Variants in LMX1A observed in about 807,000 individuals in gnomAD.
LMX1A encodes LIM homeobox transcription factor 1 alpha.
Under a neutral mutation model 49.1 loss-of-function variants are expected in LMX1A, and 15 were observed. That is an observed-to-expected ratio of 0.31 (90% confidence interval 0.20 to 0.47). LMX1A has a LOEUF of 0.47. Among genes scored for constraint, LMX1A ranks in the 20% least tolerant of loss-of-function variants. The pLI is 1.00. For synonymous variants in LMX1A, 167 were observed against 185.7 expected (o/e 0.90, Z 0.82); for missense variants, 372 against 475.8 (o/e 0.78, Z 2.03).
chr1:165,289,509 CATA>C (rs1197922452), intron 3 of LMX1A, among the ~76,000 whole-genome samples: 3 of 152,334 alleles, frequency 2.0e-5, no homozygotes, highest in Admixed American at 1.3e-4. Context: ...CCTCTTCTCC[CATA>C]ATAAGTTTAA....
chr1:165,238,422 A>G (rs978705051), intron 4 of LMX1A, among the ~76,000 whole-genome samples: 1 of 152,240 alleles, frequency 6.6e-6, no homozygotes, highest in African/African-American at 2.4e-5. Context: ...AAAATCAGTA[A>G]TAGTACCTTA....
intron 4 of LMX1A, among the ~76,000 whole-genome samples, chr1:165,223,824 A>AC (rs1651941225): frequency 1.3e-5 from 2 of 152,028 alleles, no homozygotes; most frequent in Non-Finnish European, 2.9e-5. Flanking sequence ...AAAAAAAAAA[A>AC]ACTAGTGTAC....
intron 3 of LMX1A, among the ~76,000 whole-genome samples, chr1:165,276,661 CA>C (rs5778437): frequency 0.035 from 2,561 of 72,752 alleles, 19 homozygotes; most frequent in Middle Eastern, 0.053. Context: ...AAAGAAAAGT[CA>C]AAAAAAAAAA....
intron 3 of LMX1A, among the ~76,000 whole-genome samples, chr1:165,284,423 A>T (rs1201500441): frequency 6.6e-6 from 1 of 152,224 alleles, no homozygotes; most frequent in Non-Finnish European, 1.5e-5. Context: ...CTAAAGAAGA[A>T]TTTCAAAGAA....
At chr1:165,233,807 T>C (rs1344279240) in intron 4 of LMX1A, among the ~76,000 whole-genome samples, 2 of 152,238 alleles carry the variant, frequency 1.3e-5, no homozygotes, top group Non-Finnish European at 2.9e-5. Flanking sequence ...TGTTCATCAT[T>C]GTGTCCACAG....
rs546849769 is a variant in LMX1A at position 165,349,853 on chromosome 1, C to T, written c.263+3223G>A. 6.6e-5 allele frequency among the ~76,000 whole-genome samples: 10 copies of T among 152,186 alleles called. No individual in the cohort carries two copies. In the East Asian group the frequency reaches 7.7e-4, roughly 12 times the overall value. ...CTGGTTGCCTAACACCATAAAGAGACAGCTAATAATTCAAATGCAAAACTG... is the reference window on the plus strand; with the variant it reads ...CTGGTTGCCTAACACCATAAAGAGATAGCTAATAATTCAAATGCAAAACTG... On this transcript the variant is annotated intron_variant, in intron 3 of 8. Transcript: ENST00000342310.
At chr1:165,285,762 C>T (rs1488086375) in intron 3 of LMX1A, among the ~76,000 whole-genome samples, 2 of 152,170 alleles carry the variant, frequency 1.3e-5, no homozygotes, top group African/African-American at 4.8e-5. Context: ...AGCGTGTAAG[C>T]TTCTTTTCCA....
At chr1:165,324,382 C>T (rs1457311924) in intron 3 of LMX1A, among the ~76,000 whole-genome samples, 1 of 152,146 alleles carries the variant, frequency 6.6e-6, no homozygotes, top group Non-Finnish European at 1.5e-5. Context: ...AAGTAAATCT[C>T]TATAATACAG....
intron 3 of LMX1A, among the ~76,000 whole-genome samples, chr1:165,293,531 A>G (rs1654536775): frequency 6.6e-6 from 1 of 152,260 alleles, no homozygotes; most frequent in Non-Finnish European, 1.5e-5. Flanking sequence ...AGAGAGCAAA[A>G]GAGACCTGAG....
At chr1:165,325,033 G>A (rs931250059) in intron 3 of LMX1A, among the ~76,000 whole-genome samples, 1 of 152,108 alleles carries the variant, frequency 6.6e-6, no homozygotes, top group East Asian at 1.9e-4. Flanking sequence ...GGGAGCCCCT[G>A]CCACTCCTTA....
At chr1:165,311,007 T>C (rs1655061710) in intron 3 of LMX1A, among the ~76,000 whole-genome samples, 1 of 152,212 alleles carries the variant, frequency 6.6e-6, no homozygotes, top group Admixed American at 6.5e-5. Context: ...TATTTCTATT[T>C]TGACTTTCCC....
chr1:165,237,773 A>AC (rs1437000692), intron 4 of LMX1A, among the ~76,000 whole-genome samples: 1 of 152,118 alleles, frequency 6.6e-6, no homozygotes, highest in African/African-American at 2.4e-5. Context: ...GGTCACAGAA[A>AC]CCAGGGCACA....
intron 3 of LMX1A, among the ~76,000 whole-genome samples, chr1:165,295,290 C>T (rs1654582656): frequency 6.6e-6 from 1 of 151,616 alleles, no homozygotes. Context: ...GGGAGGCTAA[C>T]TACCAAAACA....
intron 3 of LMX1A, among the ~76,000 whole-genome samples, chr1:165,300,946 G>C (rs950412441): frequency 1.3e-5 from 2 of 152,158 alleles, no homozygotes; most frequent in African/African-American, 2.4e-5. Context: ...AGGGCTAGAG[G>C]ATCTGAGGGC....
intron 3 of LMX1A, among the ~76,000 whole-genome samples, chr1:165,262,471 C>T (rs1042363201): frequency 1.3e-5 from 2 of 152,278 alleles, no homozygotes; most frequent in African/African-American, 4.8e-5. Context: ...CTTCTGGACT[C>T]CCTCTTCGTG....
At chr1:165,210,640 C>CTG in intron 6 of LMX1A, 59 bp downstream of exon 6, 2 of 1,303,668 alleles carry the variant, frequency 1.5e-6, no homozygotes, top group Non-Finnish European at 2.2e-6. Context: ...CAATGTCCTA[C>CTG]TGTGATTATT....
At chr1:165,234,244 C>T (rs2102623527) in intron 4 of LMX1A, among the ~76,000 whole-genome samples, 1 of 152,336 alleles carries the variant, frequency 6.6e-6, no homozygotes, top group South Asian at 2.1e-4. Context: ...TCAGTACAGA[C>T]TAAGCTGCAT....
intron 3 of LMX1A, among the ~76,000 whole-genome samples, chr1:165,333,523 G>A (rs1475594988): frequency 6.6e-6 from 1 of 152,090 alleles, no homozygotes; most frequent in Non-Finnish European, 1.5e-5. Flanking sequence ...TTTTCTCATG[G>A]TGATACTCCA....
At chr1:165,308,929 T>C (rs1654996136) in intron 3 of LMX1A, among the ~76,000 whole-genome samples, 1 of 152,170 alleles carries the variant, frequency 6.6e-6, no homozygotes, top group Non-Finnish European at 1.5e-5. Context: ...CCTGGGTTAT[T>C]GGTCCTTCCC....
Sources: gnomAD v4.1 joint callset for allele counts (sites outside exome capture counted in the v4.1 genomes callset) on GRCh38, gnomAD v4.1.1 for gene constraint, MANE v1.5 for transcripts, NCBI Gene and HGNC (gene_info 2026-07-23, HGNC 2026-07-21) for gene names.